The following APLP2 variants were observed in gnomAD, a reference collection of about 807,000 sequenced individuals.
APLP2 encodes the protein amyloid beta precursor like protein 2, also known as CDEI box-binding protein.
In APLP2, 53 loss-of-function variants were observed where a neutral mutation model predicts 89.9. That is an observed-to-expected ratio of 0.59 (90% CI 0.47 to 0.74). The LOEUF is 0.74. Ranked by LOEUF, APLP2 falls within the 30% of genes least tolerant of loss-of-function variation. The probability of loss-of-function intolerance (pLI) is 0.00; values close to 1 mark genes in which losing one functional copy is unlikely to be tolerated. For missense variants in APLP2, 973 were observed against 975.9 expected, an observed-to-expected ratio of 1.00 and a Z score of 0.04; for synonymous variants, 372 against 348.6, an observed-to-expected ratio of 1.07 and a Z score of -0.75.
rs1236582701 is a variant in APLP2 at position 130,141,874 on chromosome 11, C to T, written c.1999-45C>T. On this transcript the variant is annotated intron_variant, in intron 15 of 16. Transcript: ENST00000338167. The surrounding 1 kb of genome is among the most constrained non-coding windows in gnomAD (Gnocchi z 4.2). Reference sequence around the variant, plus strand: ...AGTGAGTTACTTGCCTCACGGCTGCCAGATGGTCACTGGGACTTTTTTCCA... The same window carrying T: ...AGTGAGTTACTTGCCTCACGGCTGCTAGATGGTCACTGGGACTTTTTTCCA... The T allele has an allele frequency of 6.4e-7, 1 of 1,569,266 alleles. No individual in the cohort carries two copies. Among genetic ancestry groups the T allele is most frequent in the Non-Finnish European group, 8.7e-7 (1 of 1,150,372 alleles).
In APLP2 at chr11:130,141,990, A is replaced by T. The variant is rs147313198; in HGVS notation, c.2070A>T (p.Ala690=). The T allele has an allele frequency of 7.4e-6, 12 of 1,614,002 alleles. No homozygotes were observed. In the African/African-American group the frequency reaches 1.2e-4, roughly 16 times the overall value. Residue 690 remains alanine (A), a synonymous_variant, in exon 16 of 17, where the codon GCA becomes GCT. Coordinates refer to ENST00000338167, the MANE Select transcript of APLP2 (RefSeq NM_001142276.2). This position sits in a 1 kb window ranked among gnomAD's most constrained non-coding sequence, Gnocchi z 4.2. ...CTCTCATTGGCCTGCTGGTCATCGC[A>T]GTGGCCATTGCCACGGTCATCGTCA... The part of the protein sequence containing the change: ...SSALIGLLVI[A]VAIATVIVIS...
chr11:130,122,337 TCA>T lies in APLP2; in HGVS notation c.749_750del (p.Thr250ArgfsTer6). 6.2e-7 allele frequency: 1 copy of T among 1,614,084 alleles called. No individual in the cohort carries two copies. The highest frequency in any genetic ancestry group is 8.5e-7 in the Non-Finnish European group (1 of 1,179,974). On this transcript the variant is annotated frameshift_variant, in exon 6 of 17. Transcript: ENST00000338167. LOFTEE classifies it high-confidence loss of function. Reference sequence around the variant, plus strand: ...CCTACTGAAGCAGATCTGGAAGACTTCACAGAAGCAGCTGTGGATGAGGATGA... The same window carrying T: ...CCTACTGAAGCAGATCTGGAAGACTTCAGAAGCAGCTGTGGATGAGGATGA...
At chr11:130,101,198 A>C (rs1946870169) in intron 1 of APLP2, among the ~76,000 whole-genome samples, 1 of 152,176 alleles carries the variant, frequency 6.6e-6, no homozygotes, top group Non-Finnish European at 1.5e-5. Context: ...GTTTTTTGAG[A>C]TGGAGTCTCG....
intron 1 of APLP2, among the ~76,000 whole-genome samples, chr11:130,088,264 G>C (rs543525710): frequency 6.6e-6 from 1 of 152,248 alleles, no homozygotes; most frequent in African/African-American, 2.4e-5. Context: ...ATTGTTCCAG[G>C]GGGGAAAAAA....
chr11:130,134,434 T>A (rs1204812812), intron 12 of APLP2, among the ~76,000 whole-genome samples: 1 of 152,008 alleles, frequency 6.6e-6, no homozygotes. Context: ...TTTGAGTAGA[T>A]CAGTGTGGCT....
intron 1 of APLP2, among the ~76,000 whole-genome samples, chr11:130,078,001 T>G (rs1034183463): frequency 6.6e-6 from 1 of 152,224 alleles, no homozygotes; most frequent in Non-Finnish European, 1.5e-5. Flanking sequence ...GAAACACTTG[T>G]GTAACTACCA....
rs1940555851 is a variant in APLP2 at position 130,070,026 on chromosome 11, C to T, written c.49C>T (p.Leu17Phe). ...CGCCGCAGCCACGGGCAGGCTCCTG[C>T]TTCTGCTGCTGGTGGGGCTCACGGC... Reference protein sequence around the residue: ...AAAAATGRLLLLLLVGLTAPA... With the variant: ...AAAAATGRLLFLLLVGLTAPA... Residue 17 changes from leucine to phenylalanine, a missense_variant, in exon 1 of 17, where the codon CTT (leucine) becomes TTT (phenylalanine). By Grantham distance (22) the Leu-to-Phe change is conservative (BLOSUM62 0). Transcript: ENST00000338167. 6.6e-7 allele frequency: 1 copy of T among 1,513,948 alleles called. No homozygotes were observed. 93.8% of individuals were successfully genotyped at this position (1,513,948 alleles called of 1,614,324 possible). A position where few individuals can be genotyped will look rare whatever the true frequency, so the allele number is the denominator to read the frequency against.
chr11:130,124,778 G>C (rs944147595), intron 7 of APLP2, among the ~76,000 whole-genome samples: 1 of 152,186 alleles, frequency 6.6e-6, no homozygotes, highest in Non-Finnish European at 1.5e-5. Flanking sequence ...CAGGAAAGCT[G>C]TTTTTATTCG....
At chr11:130,138,435 T>A (rs1951894592) in intron 13 of APLP2, among the ~76,000 whole-genome samples, 1 of 152,202 alleles carries the variant, frequency 6.6e-6, no homozygotes, top group Non-Finnish European at 1.5e-5. Context: ...TCTAGAAGTT[T>A]AACTGGCTTT....
rs572246014 is a variant in APLP2, at chr11:130,141,352, C to G, written c.1924-146C>G. 5.5e-5 allele frequency: 36 copies of G among 652,000 alleles called. No individual in the cohort carries two copies. The Admixed American group carries it at 8.7e-4, about 16-fold the overall frequency. The allele number at this position is 652,000 out of a possible 1,614,324, so 40.4% of individuals were successfully genotyped here. On this transcript the variant is annotated intron_variant, in intron 14 of 16. Transcript: ENST00000338167. This position sits in a 1 kb window ranked among gnomAD's most constrained non-coding sequence, Gnocchi z 4.2. ...GGGTTTGGGGAGTGGATTTGGAAGG[C>G]TGTGACAGAACTGGTTGGTTAATGG...
chr11:130,132,280 T>C (rs778470992), intron 11 of APLP2, among the ~76,000 whole-genome samples: 1 of 152,236 alleles, frequency 6.6e-6, no homozygotes, highest in Non-Finnish European at 1.5e-5. Context: ...ATGGCAAATA[T>C]AAAATTAAAT....
chr11:130,094,832 G>A (rs907715524), intron 1 of APLP2, among the ~76,000 whole-genome samples: 7 of 152,160 alleles, frequency 4.6e-5, no homozygotes, highest in African/African-American at 9.7e-5. Context: ...GAGCTGTGCC[G>A]AGGCAGAGAG....
At chr11:130,125,540 A>T (rs188946565) in intron 7 of APLP2, among the ~76,000 whole-genome samples, 1 of 152,336 alleles carries the variant, frequency 6.6e-6, no homozygotes, top group Admixed American at 6.5e-5. Flanking sequence ...TCATGACTTT[A>T]GTTGTCGTTT....
In APLP2 at chr11:130,129,058, C is replaced by T. The variant is rs753182676; in HGVS notation, c.1307C>T (p.Ala436Val). The T allele has an allele frequency of 6.2e-7, 1 of 1,613,244 alleles. No homozygotes were observed. Among genetic ancestry groups the T allele is most frequent in the Non-Finnish European group, 8.5e-7 (1 of 1,179,574 alleles). The change falls in exon 10 of 17, where the codon GCC becomes GTC. Residue 436 changes from alanine (A) to valine (V), a missense_variant. By Grantham distance (64) the Ala-to-Val change is moderately conservative. Transcript: ENST00000338167. ...ERQTLIQHFQ[A>V]MVKALEKEAA... ...GCTTTCTTGGTTTAGCACTTCCAAG[C>T]CATGGTTAAAGCTTTAGAGAAGGAA...
At chr11:130,072,823 GA>G (rs1311324701) in intron 1 of APLP2, among the ~76,000 whole-genome samples, 7 of 152,112 alleles carry the variant, frequency 4.6e-5, no homozygotes, top group African/African-American at 1.7e-4. Context: ...TGATAAATAC[GA>G]TAAACTTCAG....
At chr11:130,101,839 T>C (rs1228337364) in intron 1 of APLP2, 3 of 429,242 alleles carry the variant, frequency 7.0e-6, no homozygotes, top group Non-Finnish European at 1.4e-5. Context: ...TTCAAATAAT[T>C]GCTGCAGTTT....
intron 1 of APLP2, among the ~76,000 whole-genome samples, chr11:130,080,532 A>T (rs991385924): frequency 3.3e-5 from 5 of 151,488 alleles, no homozygotes; most frequent in Admixed American, 2.6e-4. Flanking sequence ...AGGTGCTTAC[A>T]GACTGATTAA....
chr11:130,075,044 T>G (rs1233081160), intron 1 of APLP2, among the ~76,000 whole-genome samples: 1 of 152,234 alleles, frequency 6.6e-6, no homozygotes, highest in African/African-American at 2.4e-5. Flanking sequence ...AAGTGGACTA[T>G]GTAGGCACAT....
At chr11:130,074,730 A>G (rs777605636) in intron 1 of APLP2, among the ~76,000 whole-genome samples, 12 of 152,242 alleles carry the variant, frequency 7.9e-5, no homozygotes, top group South Asian at 2.1e-4. Flanking sequence ...GTTAATAGAT[A>G]GGTCATGTAC....
Sources: gnomAD v4.1 joint callset for allele counts (sites outside exome capture counted in the v4.1 genomes callset) on GRCh38, gnomAD v4.1.1 for gene constraint, Gnocchi (gnomAD v3.1) non-coding constraint, MANE v1.5 for transcripts, NCBI Gene and HGNC (gene_info 2026-07-23, HGNC 2026-07-21) for gene names.